SLC39A14: variants seen among roughly 807,000 people sequenced by gnomAD.
The protein encoded by SLC39A14 is solute carrier family 39 member 14.
SLC39A14 carries 19 observed loss-of-function variants against 45.5 expected under a neutral mutation model. The ratio of observed to expected loss-of-function variants is 0.42; its 90% CI spans 0.29 to 0.61. The LOEUF (loss-of-function observed/expected upper bound fraction) is 0.61. Ranked by LOEUF, SLC39A14 falls within the 20% of genes least tolerant of loss-of-function variation. The pLI, the probability that SLC39A14 is intolerant of heterozygous loss-of-function variation, is 0.22. For missense variants in SLC39A14, 447 were observed against 616.5 expected (o/e 0.73, Z 2.91); for synonymous variants, 264 against 251.3 (o/e 1.05, Z -0.48).
chr8:22,408,540 C>T (rs766565831), intron 3 of SLC39A14, 44 bp downstream of exon 3: 16 of 1,565,974 alleles, frequency 1.0e-5, no homozygotes, highest in South Asian at 7.0e-5. Flanking sequence ...CCATCTCGCC[C>T]GCGTCTCACA....
rs765420869 is a variant in SLC39A14 at position 22,415,948 on chromosome 8, C to T, written c.930C>T (p.Leu310=). The change falls in exon 6 of 9, where the codon CTC becomes CTT. Residue 310 remains leucine, a synonymous_variant. Transcript: ENST00000381237. ...ACGAGAAGGTCATTGTGGGCTCGCT[C>T]TCTGTGCAGGTCAGTGGGCCACCAG... The part of the protein sequence containing the change: ...MVDEKVIVGS[L]SVQDLQASQS... 3.7e-6 allele frequency: 6 copies of T among 1,605,442 alleles called. No individual in the cohort carries two copies. The highest frequency in any genetic ancestry group is 2.2e-5 in the East Asian group (1 of 44,710).
chr8:22,385,326 G>A (rs1300873280), intron 1 of SLC39A14, among the ~76,000 whole-genome samples: 1 of 152,194 alleles, frequency 6.6e-6, no homozygotes, highest in Non-Finnish European at 1.5e-5. Context: ...TTTGGGGATG[G>A]ACACCAGGTA....
chr8:22,385,232 T>C (rs2132217126), intron 1 of SLC39A14, among the ~76,000 whole-genome samples: 1 of 152,138 alleles, frequency 6.6e-6, no homozygotes, highest in South Asian at 2.1e-4. Flanking sequence ...CACCCGAGCA[T>C]AAAGACCAAA....
Position 22,408,421 on chromosome 8 carries a change from C to T in SLC39A14, c.382C>T (p.Arg128Trp), listed in dbSNP as rs1291490743. The T allele has an allele frequency of 5.6e-6, 9 of 1,614,096 alleles. No homozygotes were observed. Among genetic ancestry groups the T allele is most frequent in the African/African-American group, 4.0e-5 (3 of 74,942 alleles). The change falls in exon 3 of 9, where the codon CGG becomes TGG. Residue 128 changes from arginine to tryptophan, a missense_variant. By Grantham distance (101) the Arg-to-Trp change is moderately radical. Around this residue, in one of 2 missense-constraint regions of SLC39A14, gnomAD observed 342 missense variants for 428.1 expected, o/e 0.80. Transcript: ENST00000381237. ...CPTILQQLDS[R>W]ACTSENQENE... ...CACCATCCTCCAGCAGCTGGATTCC[C>T]GGGCCTGCACCTCGGAGAACCAGGA...
intron 1 of SLC39A14, among the ~76,000 whole-genome samples, chr8:22,370,311 C>T (rs1229227644): frequency 6.6e-6 from 1 of 152,166 alleles, no homozygotes; most frequent in Non-Finnish European, 1.5e-5. Context: ...AATCCCTGTC[C>T]AACATTTGCA....
At chr8:22,423,485 G>A (rs1039419078), downstream of SLC39A14, among the ~76,000 whole-genome samples, 15 of 151,866 alleles carry the variant, frequency 9.9e-5, no homozygotes, top group Admixed American at 2.0e-4. Context: ...ACAGGTGCCC[G>A]CCACCACGCC....
intron 1 of SLC39A14, among the ~76,000 whole-genome samples, chr8:22,389,459 G>A (rs1277834849): frequency 1.3e-5 from 2 of 152,080 alleles, no homozygotes; most frequent in African/African-American, 4.8e-5. Context: ...GGAGGACCCG[G>A]GGGAGGTGGG....
chr8:22,381,193 C>T (rs1833488573), intron 1 of SLC39A14, among the ~76,000 whole-genome samples: 2 of 152,006 alleles, frequency 1.3e-5, no homozygotes, highest in East Asian at 1.9e-4. Context: ...AGGCTGGTTT[C>T]GAACTCCTAA....
At chr8:22,392,461 C>A (rs1834130938) in intron 1 of SLC39A14, among the ~76,000 whole-genome samples, 1 of 152,162 alleles carries the variant, frequency 6.6e-6, no homozygotes, top group South Asian at 2.1e-4. Context: ...TCCCGAATAA[C>A]AAGCCGGGAA....
intron 1 of SLC39A14, chr8:22,393,119 C>T (rs914140387): frequency 7.6e-5 from 58 of 758,482 alleles, no homozygotes; most frequent in Admixed American, 2.5e-4. Context: ...CTCCGCTGGC[C>T]GCCCTCCTGC....
At chr8:22,382,319 G>T (rs1216437175) in intron 1 of SLC39A14, among the ~76,000 whole-genome samples, 1 of 152,210 alleles carries the variant, frequency 6.6e-6, no homozygotes, top group East Asian at 1.9e-4. Context: ...TTAATACTCA[G>T]TATTGGTGAG....
Position 22,419,750 on chromosome 8 carries a change from C to G in SLC39A14, c.*52C>G. 6.6e-7 allele frequency: 1 copy of G among 1,517,726 alleles called. No homozygotes were observed. Among genetic ancestry groups the G allele is most frequent in the South Asian group, 1.3e-5 (1 of 76,094 alleles). The allele number at this position is 1,517,726 out of a possible 1,614,324, so 94.0% of individuals were successfully genotyped here. On this transcript the variant is annotated 3_prime_UTR_variant, in exon 9 of 9. Coordinates refer to ENST00000381237, the MANE Select transcript of SLC39A14 (RefSeq NM_001128431.4). ...GAAGTCGGGCCCTGGGCTGCCCGAT[C>G]GCCAGCCCGAGGACTTACCATCCAC... is the stretch of plus-strand genomic sequence containing the variant.
intron 3 of SLC39A14, among the ~76,000 whole-genome samples, chr8:22,409,199 C>T (rs1406476665): frequency 6.6e-6 from 1 of 152,164 alleles, no homozygotes; most frequent in Admixed American, 6.5e-5. Flanking sequence ...CCCTCCCTAT[C>T]CCGGTATCCC....
At chr8:22,404,181 T>TG (rs1209759284) in intron 1 of SLC39A14, among the ~76,000 whole-genome samples, 1 of 152,086 alleles carries the variant, frequency 6.6e-6, no homozygotes, top group East Asian at 1.9e-4. Context: ...TCCAGCACTT[T>TG]GGGGGGCCGA....
At chr8:22,376,104 C>G (rs1355687653) in intron 1 of SLC39A14, among the ~76,000 whole-genome samples, 2 of 152,180 alleles carry the variant, frequency 1.3e-5, no homozygotes, top group African/African-American at 4.8e-5. Context: ...TCCCTCTTTT[C>G]TTGCTAGAAT....
Position 22,422,154 on chromosome 8 carries a change from T to G in SLC39A14, c.*2456T>G. The G allele has an allele frequency of 1.0e-6, 1 of 985,338 alleles. No individual in the cohort carries two copies. Among genetic ancestry groups the G allele is most frequent in the Non-Finnish European group, 1.2e-6 (1 of 829,866 alleles). The allele number at this position is 985,338 out of a possible 1,614,324, so 61.0% of individuals were successfully genotyped here. On this transcript the variant is annotated 3_prime_UTR_variant, in exon 9 of 9. Transcript: ENST00000381237. ...AGGAGTAGCAAGTCAGTGGGAGGAC[T>G]TTTTCACCCCTGGCATTAGCAGCTT...
intron 1 of SLC39A14, among the ~76,000 whole-genome samples, chr8:22,402,389 AG>A (rs1834926244): frequency 6.6e-6 from 1 of 151,668 alleles, no homozygotes; most frequent in African/African-American, 2.4e-5. Flanking sequence ...CGTCTCAAAA[AG>A]AAAAAAAAAG....
chr8:22,415,828 G>A lies in SLC39A14; in HGVS notation c.810G>A (p.Glu270=), dbSNP rs759284049. The part of the protein sequence containing the change: ...SESLPSKKDQ[E]EGVMEKLQNG... ...CGCTTCCCTCCAAGAAGGACCAGGA[G>A]GAGGGGGTGATGGAGAAGCTGCAGA... The change falls in exon 6 of 9, where the codon GAG becomes GAA. Residue 270 remains glutamate, a synonymous_variant. Transcript: ENST00000381237. 1 of 1,613,786 alleles carries A rather than the reference G, an allele frequency of 6.2e-7. No individual in the cohort carries two copies. The highest frequency in any genetic ancestry group is 8.5e-7 in the Non-Finnish European group (1 of 1,179,924).
At chr8:22,378,356 G>T (rs538073244) in intron 1 of SLC39A14, among the ~76,000 whole-genome samples, 2 of 152,296 alleles carry the variant, frequency 1.3e-5, no homozygotes, top group South Asian at 4.1e-4. Flanking sequence ...CTTCATTGCT[G>T]GGGGTCCTAG....
Sources: gnomAD v4.1 joint callset for allele counts (sites outside exome capture counted in the v4.1 genomes callset) on GRCh38, gnomAD v4.1.1 for gene constraint, gnomAD v4.1.1 regional missense constraint, MANE v1.5 for transcripts, NCBI Gene and HGNC (gene_info 2026-07-23, HGNC 2026-07-21) for gene names.